Variants in SEPTIN9 observed in about 807,000 individuals in gnomAD.
SEPTIN9 encodes the protein septin 9, also known as septin-9.
Under a neutral mutation model 56.6 loss-of-function variants are expected in SEPTIN9, and 13 were observed. That is an observed-to-expected ratio of 0.23 (90% CI 0.15 to 0.37). SEPTIN9 has a LOEUF of 0.37. Ranked by LOEUF, SEPTIN9 falls within the 10% of genes least tolerant of loss-of-function variation. The probability of loss-of-function intolerance (pLI) is 1.00; values close to 1 mark genes in which losing one functional copy is unlikely to be tolerated. For synonymous variants in SEPTIN9, 332 were observed against 334.1 expected, an observed-to-expected ratio of 0.99 and a Z score of 0.07; for missense variants, 650 against 823.1, an observed-to-expected ratio of 0.79 and a Z score of 2.57.
intron 8 of SEPTIN9, among the ~76,000 whole-genome samples, chr17:77,491,891 A>G (rs929686196): frequency 1.4e-5 from 2 of 145,142 alleles, no homozygotes; most frequent in Non-Finnish European, 3.0e-5. Flanking sequence ...CTGCTGTGGG[A>G]TAGGGAGGGG....
At chr17:77,373,163 C>G in intron 2 of SEPTIN9, 1 of 1,050,078 alleles carries the variant, frequency 9.5e-7, no homozygotes. Flanking sequence ...CCAGGACTGT[C>G]CCCCAGCGGC....
chr17:77,455,214 G>A (rs550783503), intron 3 of SEPTIN9, among the ~76,000 whole-genome samples: 12 of 152,308 alleles, frequency 7.9e-5, no homozygotes, highest in African/African-American at 1.9e-4. Flanking sequence ...GCTCCTGAGC[G>A]CCCAAGACTG....
chr17:77,424,826 G>A (rs1052771016), intron 3 of SEPTIN9, among the ~76,000 whole-genome samples: 8 of 152,184 alleles, frequency 5.3e-5, no homozygotes, highest in African/African-American at 1.7e-4. Flanking sequence ...GCTGACTGGC[G>A]GTCGCCGGGC....
rs1486096379 is a variant in SEPTIN9, at chr17:77,361,028, A to G, written c.77-41031A>G. 3.5e-5 allele frequency among the ~76,000 whole-genome samples: 5 copies of G among 141,610 alleles called. No homozygotes were observed. In the South Asian group the frequency reaches 1.1e-3, roughly 31 times the overall value. The allele number at this position is 141,610 out of a possible 152,430, so 92.9% of individuals were successfully genotyped here. A position where few individuals can be genotyped will look rare whatever the true frequency, so the allele number is the denominator to read the frequency against. On this transcript the variant is annotated intron_variant, in intron 2 of 11. Coordinates refer to ENST00000427177, the MANE Select transcript of SEPTIN9 (RefSeq NM_001113491.2). ...AACCTCTGCCTCCTGGGATCAAGTG[A>G]TTCTCCTGCCTCAGCCTCCCAAGTA...
chr17:77,334,205 G>A (rs1032546570), intron 2 of SEPTIN9, among the ~76,000 whole-genome samples: 2 of 152,016 alleles, frequency 1.3e-5, no homozygotes, highest in Admixed American at 6.6e-5. Context: ...GGCAGATCAC[G>A]AGGTCAGGAG....
rs541760218 is a variant in SEPTIN9, at chr17:77,491,668, TG to T, written c.1380+811del. ...AAAATACAAAAATATTAGTCGGGCATGGTGGCGGGCGCCTGTAGTCCCAGCT... is the reference window on the plus strand; with the variant it reads ...AAAATACAAAAATATTAGTCGGGCATGTGGCGGGCGCCTGTAGTCCCAGCT... On this transcript the variant is annotated intron_variant, in intron 8 of 11. Transcript: ENST00000427177. 3.7e-4 allele frequency among the ~76,000 whole-genome samples: 56 copies of T among 151,842 alleles called. 1 individual carries two copies. Among genetic ancestry groups the T allele is most frequent in the Admixed American group, 9.8e-4 (15 of 15,280 alleles).
rs373812919 is a variant in SEPTIN9 at position 77,434,311 on chromosome 17, G to A, written c.721+31608G>A. Reference sequence around the variant, plus strand: ...GTGCCTCCGTTCACCCTGTCCACCCGCAGGGCCTGCAGGAGCATCCTGAGA... The same window carrying A: ...GTGCCTCCGTTCACCCTGTCCACCCACAGGGCCTGCAGGAGCATCCTGAGA... On this transcript the variant is annotated intron_variant, in intron 3 of 11. Coordinates refer to ENST00000427177, the MANE Select transcript of SEPTIN9 (RefSeq NM_001113491.2). This position sits in a 1 kb window ranked among gnomAD's most constrained non-coding sequence, Gnocchi z 5.0. Among the ~76,000 whole-genome samples, 3 of 152,288 alleles carry A rather than the reference G, an allele frequency of 2.0e-5. No individual in the cohort carries two copies. Among genetic ancestry groups the A allele is most frequent in the African/African-American group, 7.2e-5 (3 of 41,570 alleles).
intron 3 of SEPTIN9, among the ~76,000 whole-genome samples, chr17:77,431,560 G>T (rs1410156269): frequency 6.6e-6 from 1 of 152,248 alleles, no homozygotes; most frequent in East Asian, 1.9e-4. Context: ...ACCTCAGCCA[G>T]GCACGGTGGT....
At chr17:77,373,424 G>A (rs1010560871) in intron 2 of SEPTIN9, 18 of 1,346,832 alleles carry the variant, frequency 1.3e-5, no homozygotes, top group Non-Finnish European at 1.6e-5. Flanking sequence ...CCCAGCCAGC[G>A]CGCAGGGCCC....
intron 7 of SEPTIN9, among the ~76,000 whole-genome samples, chr17:77,490,266 A>G (rs1367685218): frequency 2.6e-5 from 4 of 152,162 alleles, no homozygotes; most frequent in African/African-American, 9.7e-5. Flanking sequence ...CTTTCCCCAC[A>G]TCAGACCCCA....
chr17:77,460,415 C>T (rs1027398039), intron 3 of SEPTIN9, among the ~76,000 whole-genome samples: 10 of 152,122 alleles, frequency 6.6e-5, no homozygotes, highest in Non-Finnish European at 1.5e-4. Context: ...ACTTGGGGAC[C>T]CAGCTGCTGA....
chr17:77,408,500 G>C (rs569073355), intron 3 of SEPTIN9, among the ~76,000 whole-genome samples: 35 of 152,324 alleles, frequency 2.3e-4, no homozygotes, highest in African/African-American at 8.4e-4. Context: ...GGTCCGCACC[G>C]GGCCGTGTGT....
intron 10 of SEPTIN9, chr17:77,496,999 T>C: frequency 2.2e-6 from 1 of 452,140 alleles, no homozygotes; most frequent in East Asian, 4.3e-5. Flanking sequence ...GCTTCTCCAC[T>C]GTGGCTTCCT....
At chr17:77,469,845 C>T (rs1254817450) in intron 3 of SEPTIN9, among the ~76,000 whole-genome samples, 2 of 149,834 alleles carry the variant, frequency 1.3e-5, no homozygotes, top group Non-Finnish European at 3.0e-5. Context: ...GTCAACCCAT[C>T]TATCCACTCA....
rs573597907 is a variant in SEPTIN9 at position 77,440,156 on chromosome 17, T to A, written c.721+37453T>A. On this transcript the variant is annotated intron_variant, in intron 3 of 11. Transcript: ENST00000427177. ...TTACCTTTTTCATATACCTTTTTTT[T>A]AAATTTATTTTTATTTGAGATGGAG... is the stretch of plus-strand genomic sequence containing the variant. Among the ~76,000 whole-genome samples the A allele has an allele frequency of 1.3e-3, 199 of 152,278 alleles. 1 individual carries two copies. The highest frequency in any genetic ancestry group is 4.5e-3 in the African/African-American group (185 of 41,550).
At chr17:77,409,210 C>T (rs955878685) in intron 3 of SEPTIN9, among the ~76,000 whole-genome samples, 3 of 152,146 alleles carry the variant, frequency 2.0e-5, no homozygotes, top group African/African-American at 7.2e-5. Flanking sequence ...AGAACAAGTA[C>T]CCTCCTTCTC....
chr17:77,473,196 T>C (rs1170581570), intron 3 of SEPTIN9, among the ~76,000 whole-genome samples: 1 of 152,220 alleles, frequency 6.6e-6, no homozygotes, highest in Non-Finnish European at 1.5e-5. Flanking sequence ...TCTTCTCCTC[T>C]TACCTCTTTG....
At chr17:77,304,473 G>A (rs2032183430) in intron 1 of SEPTIN9, among the ~76,000 whole-genome samples, 1 of 152,214 alleles carries the variant, frequency 6.6e-6, no homozygotes, top group Admixed American at 6.5e-5. Context: ...CGGATAAGAG[G>A]CCCTGGGGTA....
Position 77,402,761 on chromosome 17 carries a change from C to T in SEPTIN9, c.721+58C>T, listed in dbSNP as rs2144101912. ...TGGTAATGGGGGGCCTGGTTGCTGG[C>T]TTTGCCACAGAATCTTGGAGGAAGA... is the stretch of plus-strand genomic sequence containing the variant. On this transcript the variant is annotated intron_variant, in intron 3 of 11. Transcript: ENST00000427177. The surrounding 1 kb of genome is among the most constrained non-coding windows in gnomAD (Gnocchi z 6.6). 1 of 1,489,580 alleles carries T rather than the reference C, an allele frequency of 6.7e-7. No individual in the cohort carries two copies. Among genetic ancestry groups the T allele is most frequent in the African/African-American group, 1.4e-5 (1 of 71,272 alleles). The allele number at this position is 1,489,580 out of a possible 1,614,324, so 92.3% of individuals were successfully genotyped here.
Sources: gnomAD v4.1 joint callset for allele counts (sites outside exome capture counted in the v4.1 genomes callset) on GRCh38, gnomAD v4.1.1 for gene constraint, Gnocchi (gnomAD v3.1) non-coding constraint, MANE v1.5 for transcripts, NCBI Gene and HGNC (gene_info 2026-07-23, HGNC 2026-07-21) for gene names.